The following STPG2 variants were observed in gnomAD, a reference collection of about 807,000 sequenced individuals.
The protein encoded by STPG2 is sperm-tail PG-rich repeat-containing protein 2.
STPG2 carries 56 observed loss-of-function variants against 54.2 expected under a neutral mutation model. The ratio of observed to expected loss-of-function variants is 1.03; its 90% confidence interval spans 0.83 to 1.29. STPG2 has a LOEUF of 1.29. STPG2 is among the 50% of genes most tolerant of loss of function. The pLI, the probability that STPG2 is intolerant of heterozygous loss-of-function variation, is 0.00. For missense variants in STPG2, 596 were observed against 544.9 expected, an observed-to-expected ratio of 1.09 and a Z score of -0.93; for synonymous variants, 200 against 181.8, an observed-to-expected ratio of 1.10 and a Z score of -0.81.
intron 5 of STPG2, among the ~76,000 whole-genome samples, chr4:98,014,438 T>C (rs1268691565): frequency 6.6e-6 from 1 of 152,112 alleles, no homozygotes; most frequent in African/African-American, 2.4e-5. Context: ...TCAGTCCTGA[T>C]GACAGAACCT....
chr4:97,990,421 C>A (rs761003017), intron 5 of STPG2, among the ~76,000 whole-genome samples: 7 of 152,240 alleles, frequency 4.6e-5, no homozygotes, highest in Non-Finnish European at 1.0e-4. Flanking sequence ...AGGAGACCAA[C>A]CCTCAAAGTT....
At chr4:98,010,568 T>G (rs1163980478) in intron 5 of STPG2, among the ~76,000 whole-genome samples, 1 of 151,734 alleles carries the variant, frequency 6.6e-6, no homozygotes, top group Non-Finnish European at 1.5e-5. Flanking sequence ...TGGTTTGTGG[T>G]TTTTTGTTTC....
At chr4:97,462,347 G>C (rs556042403) in intron 4 of STPG2, among the ~76,000 whole-genome samples, 2 of 151,714 alleles carry the variant, frequency 1.3e-5, no homozygotes, top group East Asian at 1.9e-4. Context: ...AATTCTCTAA[G>C]CTATTTTCTT....
intron 5 of STPG2, among the ~76,000 whole-genome samples, chr4:98,038,204 A>G (rs953652921): frequency 6.6e-6 from 1 of 151,994 alleles, no homozygotes; most frequent in Non-Finnish European, 1.5e-5. Context: ...AGACAAACAG[A>G]TTCTAAAATT....
chr4:97,986,660 T>C (rs1385742395), intron 5 of STPG2, among the ~76,000 whole-genome samples: 1 of 152,228 alleles, frequency 6.6e-6, no homozygotes, highest in African/African-American at 2.4e-5. Flanking sequence ...TAATAGAAAA[T>C]GTTTAATAGA....
intron 4 of STPG2, among the ~76,000 whole-genome samples, chr4:97,452,852 C>A (rs563398302): frequency 6.6e-6 from 1 of 152,172 alleles, no homozygotes. Flanking sequence ...CTCATCAGAA[C>A]GCCCTGACTG....
intron 10 of STPG2, among the ~76,000 whole-genome samples, chr4:97,625,130 T>C (rs1273662910): frequency 6.6e-6 from 1 of 152,222 alleles, no homozygotes; most frequent in African/African-American, 2.4e-5. Context: ...GTTTAAACCA[T>C]GTAGTCTGAG....
chr4:97,957,076 T>A (rs115961644), intron 7 of STPG2, among the ~76,000 whole-genome samples: 57 of 151,418 alleles, frequency 3.8e-4, no homozygotes, highest in African/African-American at 1.3e-3. Flanking sequence ...AATAAATATA[T>A]ATATATGTGA....
chr4:98,126,001 C>T (rs115226661), intron 3 of STPG2, among the ~76,000 whole-genome samples: 153 of 152,334 alleles, frequency 1.0e-3, no homozygotes, highest in African/African-American at 3.4e-3. Flanking sequence ...ACAGACCAGT[C>T]TCTCTGGCAC....
intron 9 of STPG2, among the ~76,000 whole-genome samples, chr4:97,794,668 C>A (rs902234301): frequency 6.6e-6 from 1 of 152,014 alleles, no homozygotes; most frequent in East Asian, 1.9e-4. Context: ...CTTTATATAA[C>A]AATTATCCTA....
intron 8 of STPG2, among the ~76,000 whole-genome samples, chr4:97,939,108 T>C (rs2149227080): frequency 6.6e-6 from 1 of 152,342 alleles, no homozygotes; most frequent in South Asian, 2.1e-4. Flanking sequence ...TTCCATATAA[T>C]TGCATGATTT....
At chr4:98,128,843 T>C (rs536121011) in intron 2 of STPG2, among the ~76,000 whole-genome samples, 10 of 152,120 alleles carry the variant, frequency 6.6e-5, no homozygotes, top group Middle Eastern at 3.4e-3. Flanking sequence ...GATTCTCCCC[T>C]CGACCTCAGC....
intron 5 of STPG2, among the ~76,000 whole-genome samples, chr4:98,023,346 G>C (rs901810036): frequency 6.6e-5 from 10 of 152,168 alleles, no homozygotes; most frequent in African/African-American, 2.4e-4. Flanking sequence ...CTGTAGAACA[G>C]CGGATTTTCG....
chr4:97,915,791 G>A (rs1731852296), intron 8 of STPG2, among the ~76,000 whole-genome samples: 1 of 152,172 alleles, frequency 6.6e-6, no homozygotes, highest in Non-Finnish European at 1.5e-5. Context: ...AGCTCAAGGA[G>A]TCTGAACTCC....
rs1733046677 is a variant in STPG2, at chr4:97,942,939, T to C, written c.1044+958A>G. ...ACACCTTGTTCACAAAAGGCTACAC[T>C]GTAACATTTGTCTTTCTCTGTTTGG... On this transcript the variant is annotated intron_variant, in intron 8 of 10. Coordinates refer to ENST00000295268, the MANE Select transcript of STPG2 (RefSeq NM_174952.3). 2.6e-5 allele frequency among the ~76,000 whole-genome samples: 4 copies of C among 152,188 alleles called. No individual in the cohort carries two copies. The South Asian group carries it at 8.3e-4, about 32-fold the overall frequency.
At chr4:97,818,503 C>G (rs894117840) in intron 9 of STPG2, among the ~76,000 whole-genome samples, 1 of 151,818 alleles carries the variant, frequency 6.6e-6, no homozygotes, top group South Asian at 2.1e-4. Flanking sequence ...TATTTTCAGA[C>G]TGCACTTGAT....
intron 4 of STPG2, among the ~76,000 whole-genome samples, chr4:97,530,846 G>A (rs138137089): frequency 6.6e-6 from 1 of 152,256 alleles, no homozygotes; most frequent in East Asian, 1.9e-4. Flanking sequence ...GGAGAGCAGG[G>A]GGACTGGAGA....
At chr4:98,120,433 TA>T (rs1251319752) in intron 3 of STPG2, among the ~76,000 whole-genome samples, 54 of 152,278 alleles carry the variant, frequency 3.5e-4, no homozygotes, top group African/African-American at 1.3e-3. Flanking sequence ...TACCCAGTAA[TA>T]AGATTGCTGG....
At chr4:97,593,259 G>A (rs189990174) in intron 10 of STPG2, among the ~76,000 whole-genome samples, 1 of 152,166 alleles carries the variant, frequency 6.6e-6, no homozygotes, top group East Asian at 1.9e-4. Flanking sequence ...TTCTCCCACA[G>A]TAGCCTCCTC....
Sources: gnomAD v4.1 joint callset for allele counts (sites outside exome capture counted in the v4.1 genomes callset) on GRCh38, gnomAD v4.1.1 for gene constraint, MANE v1.5 for transcripts, NCBI Gene and HGNC (gene_info 2026-07-23, HGNC 2026-07-21) for gene names.